The following MFSD11 variants were observed in gnomAD, a reference collection of about 807,000 sequenced individuals.
MFSD11 encodes major facilitator superfamily domain containing 11.
MFSD11 carries 36 observed loss-of-function variants against 53.5 expected under a neutral mutation model. The ratio of observed to expected loss-of-function variants is 0.67; its 90% confidence interval spans 0.52 to 0.89. MFSD11 has a LOEUF of 0.89. MFSD11 is among the 40% of genes least tolerant of loss of function. The pLI is 0.00. For synonymous variants in MFSD11, 186 were observed against 184.9 expected (o/e 1.01, Z -0.05); for missense variants, 530 against 543.9 (o/e 0.97, Z 0.25).
At chr17:76,774,139 T>C (rs2081609684) in intron 10 of MFSD11, among the ~76,000 whole-genome samples, 1 of 152,156 alleles carries the variant, frequency 6.6e-6, no homozygotes, top group Non-Finnish European at 1.5e-5. Context: ...TTGGCCAGGC[T>C]GGTCTCGAAC....
At chr17:76,790,085 T>C in the MFSD11 span, among the ~76,000 whole-genome samples, 1 of 147,028 alleles carries the variant, frequency 6.8e-6, no homozygotes, top group Non-Finnish European at 1.5e-5. Context: ...CTTTTTTTTT[T>C]TTTTCTTTTT....
chr17:76,753,656 C>G (rs1305951308), intron 7 of MFSD11, among the ~76,000 whole-genome samples: 2 of 146,916 alleles, frequency 1.4e-5, no homozygotes, highest in African/African-American at 2.5e-5. Context: ...TCACAGCACT[C>G]CAGCCTGGGA....
chr17:76,752,577 C>T (rs756912927), intron 7 of MFSD11, among the ~76,000 whole-genome samples: 1 of 151,894 alleles, frequency 6.6e-6, no homozygotes, highest in Admixed American at 6.6e-5. Flanking sequence ...GATAGGGTTT[C>T]GCCATGTTGG....
At chr17:76,766,529 TG>T (rs1361303051) in intron 8 of MFSD11, among the ~76,000 whole-genome samples, 1 of 152,158 alleles carries the variant, frequency 6.6e-6, no homozygotes, top group African/African-American at 2.4e-5. Context: ...TTGCACTGGT[TG>T]TGTATTTTTT....
downstream of MFSD11, among the ~76,000 whole-genome samples, chr17:76,785,834 G>A (rs1268294755): frequency 2.6e-5 from 4 of 151,830 alleles, no homozygotes; most frequent in East Asian, 2.0e-4. Context: ...AAATCCCAGC[G>A]CTTTGGGAGG....
chr17:76,738,394 A>C lies in MFSD11; in HGVS notation c.42A>C (p.Leu14Phe), dbSNP rs771968417. The C allele has an allele frequency of 6.2e-7, 1 of 1,614,166 alleles. No individual in the cohort carries two copies. The highest frequency in any genetic ancestry group is 8.5e-7 in the Non-Finnish European group (1 of 1,180,010). ...ESKKLFNIIILGVAFMFMFTA... is the reference protein window; with the variant it reads ...ESKKLFNIIIFGVAFMFMFTA... ...AAAAGCTTTTCAACATCATTATTTT[A>C]GGAGTTGCCTTTATGTTTATGTTCA... Residue 14 changes from leucine to phenylalanine, a missense_variant, in exon 1 of 13, where the codon TTA becomes TTC. Leu to Phe is a conservative substitution (Grantham distance 22). Coordinates refer to ENST00000685175, the MANE Select transcript of MFSD11 (RefSeq NM_001242532.5).
At chr17:76,790,236 T>G in the MFSD11 span, among the ~76,000 whole-genome samples, 1 of 146,124 alleles carries the variant, frequency 6.8e-6, no homozygotes, top group Non-Finnish European at 1.5e-5. Flanking sequence ...CCAGCTAATT[T>G]TTGTATTTTT....
chr17:76,784,448 G>A (rs1315392403), downstream of MFSD11, among the ~76,000 whole-genome samples: 3 of 152,030 alleles, frequency 2.0e-5, no homozygotes, highest in African/African-American at 2.4e-5. Flanking sequence ...CAGGAGAATC[G>A]CTTGAACCTG....
chr17:76,786,077 A>T (rs1475055987), downstream of MFSD11, among the ~76,000 whole-genome samples: 1 of 126,974 alleles, frequency 7.9e-6, no homozygotes, highest in African/African-American at 5.2e-5. Flanking sequence ...TCCATCTCAA[A>T]AAAAAAAAAA....
At chr17:76,772,514 C>CTTT (rs1253072933) in intron 10 of MFSD11, among the ~76,000 whole-genome samples, 3 of 132,962 alleles carry the variant, frequency 2.3e-5, no homozygotes, top group Admixed American at 1.5e-4. Context: ...ACCTTAGTAA[C>CTTT]TTTTTTTTTT....
chr17:76,761,303 C>G (rs563475452), intron 8 of MFSD11, among the ~76,000 whole-genome samples: 3 of 152,114 alleles, frequency 2.0e-5, no homozygotes, highest in Non-Finnish European at 2.9e-5. Context: ...AACCTTTGCC[C>G]CAGTGGAATA....
At chr17:76,751,200 C>T (rs1275165522) in intron 7 of MFSD11, among the ~76,000 whole-genome samples, 1 of 151,488 alleles carries the variant, frequency 6.6e-6, no homozygotes, top group African/African-American at 2.4e-5. Flanking sequence ...ACTATCCTGG[C>T]TAACACGGTG....
intron 8 of MFSD11, among the ~76,000 whole-genome samples, chr17:76,758,918 G>A (rs539143616): frequency 1.4e-3 from 216 of 151,960 alleles, no homozygotes; most frequent in Admixed American, 2.0e-3. Context: ...ACTGTTCACC[G>A]GAAGCCTTAC....
At chr17:76,786,409 TG>T (rs1167448655), downstream of MFSD11, among the ~76,000 whole-genome samples, 1 of 152,150 alleles carries the variant, frequency 6.6e-6, no homozygotes, top group Non-Finnish European at 1.5e-5. Context: ...CCCAAAGTGC[TG>T]GGATTACAGG....
downstream of MFSD11, among the ~76,000 whole-genome samples, chr17:76,779,816 T>G (rs1159147459): frequency 2.0e-5 from 3 of 152,142 alleles, no homozygotes; most frequent in African/African-American, 7.2e-5. Context: ...ATCTAACATC[T>G]GTAACAACAA....
At chr17:76,784,692 C>T (rs1169707213), downstream of MFSD11, among the ~76,000 whole-genome samples, 1 of 152,050 alleles carries the variant, frequency 6.6e-6, no homozygotes, top group Non-Finnish European at 1.5e-5. Flanking sequence ...GTCAGGAGTT[C>T]GAGACCAGCC....
the MFSD11 span, among the ~76,000 whole-genome samples, chr17:76,794,641 C>CAAA: frequency 3.3e-3 from 215 of 65,412 alleles, 5 homozygotes; most frequent in African/African-American, 0.013. Flanking sequence ...AACTCTGTCT[C>CAAA]AAAAAAAAAA....
In MFSD11 at chr17:76,769,438, G is replaced by A. The variant is rs559504290; in HGVS notation, c.749-308G>A. 549 of 209,856 alleles carry A rather than the reference G, an allele frequency of 2.6e-3. 1 individual carries two copies. Among genetic ancestry groups the A allele is most frequent in the Non-Finnish European group, 4.4e-3 (464 of 106,442 alleles). 13.0% of individuals were successfully genotyped at this position (209,856 alleles called of 1,614,324 possible). ...TATTTATAAGGGCACTAATCACATC[G>A]AGAGGGCTCCACCCTCATGGCCTAA... On this transcript the variant is annotated intron_variant, in intron 9 of 12. Coordinates refer to ENST00000685175, the MANE Select transcript of MFSD11 (RefSeq NM_001242532.5).
upstream of MFSD11, chr17:76,736,793 G>A (rs1229872523): frequency 3.2e-6 from 5 of 1,542,942 alleles, no homozygotes; most frequent in Admixed American, 3.8e-5. Flanking sequence ...CCTCAGCCCC[G>A]TTTACCTGCG....
Sources: gnomAD v4.1 joint callset for allele counts (sites outside exome capture counted in the v4.1 genomes callset) on GRCh38, gnomAD v4.1.1 for gene constraint, MANE v1.5 for transcripts, NCBI Gene and HGNC (gene_info 2026-07-23, HGNC 2026-07-21) for gene names.